The following GPER1 variants were observed in gnomAD, a reference collection of about 807,000 sequenced individuals.
The protein encoded by GPER1 is G protein-coupled receptor 30.
GPER1 carries 2 observed loss-of-function variants against 0.6 expected under a neutral mutation model. The observed-to-expected ratio is 3.41, with a 90% CI of 1.39 to 10.72. The LOEUF is 10.72. GPER1 is among the 30% of genes most tolerant of loss of function. The probability of loss-of-function intolerance (pLI) is 0.04; values close to 1 mark genes in which losing one functional copy is unlikely to be tolerated. For synonymous variants in GPER1, 263 were observed against 247.6 expected, an observed-to-expected ratio of 1.06 and a Z score of -0.58; for missense variants, 441 against 535.2, an observed-to-expected ratio of 0.82 and a Z score of 1.74.
chr7:1,089,727 T>TA (rs1787753349), intron 1 of GPER1, among the ~76,000 whole-genome samples: 1 of 142,206 alleles, frequency 7.0e-6, no homozygotes, highest in African/African-American at 2.8e-5. Context: ...TTTTTTTTTT[T>TA]AAGTAAGTAT....
In GPER1 at chr7:1,091,832, A is replaced by G; in HGVS notation, c.104A>G (p.His35Arg). Residue 35 changes from histidine to arginine, a missense_variant, in exon 2 of 2, where the codon CAC (histidine) becomes CGC (arginine). Transcript: ENST00000397088. ...NTTSPELNLS[H>R]PLLGTALANG... ...ACCTCCCCCGAGCTCAACCTGTCCCACCCGCTCCTGGGCACCGCCCTGGCC... is the reference window on the plus strand; with the variant it reads ...ACCTCCCCCGAGCTCAACCTGTCCCGCCCGCTCCTGGGCACCGCCCTGGCC... The G allele has an allele frequency of 6.2e-7, 1 of 1,604,304 alleles. No individual in the cohort carries two copies. The highest frequency in any genetic ancestry group is 1.3e-5 in the African/African-American group (1 of 74,862).
In GPER1 at chr7:1,093,423, C is replaced by T. The variant is rs1370958341; in HGVS notation, c.*567C>T. ...GAAAACATGCTGCTCTGGTGCACGC[C>T]TGAGCGTCCTCCATCTTCCAGGATG... On this transcript the variant is annotated 3_prime_UTR_variant, in exon 2 of 2. Transcript: ENST00000397088. The T allele has an allele frequency of 2.2e-6, 1 of 462,206 alleles. No individual in the cohort carries two copies. The highest frequency in any genetic ancestry group is 2.0e-5 in the African/African-American group (1 of 49,946). 28.6% of individuals were successfully genotyped at this position (462,206 alleles called of 1,614,324 possible).
In GPER1 at chr7:1,093,796, C is replaced by A; in HGVS notation, c.*940C>A. The A allele has an allele frequency of 2.4e-6, 1 of 419,884 alleles. No individual in the cohort carries two copies. The highest frequency in any genetic ancestry group is 5.0e-6 in the Non-Finnish European group (1 of 198,414). The allele number at this position is 419,884 out of a possible 1,614,324, so 26.0% of individuals were successfully genotyped here. ...GTGACGTTCAGCCTTTGTCAATAAA[C>A]CTGTCATGTGCGGATCCTTCCGGAG... On this transcript the variant is annotated 3_prime_UTR_variant, in exon 2 of 2. Transcript: ENST00000397088.
At chr7:1,089,363 C>T (rs565921008) in intron 1 of GPER1, among the ~76,000 whole-genome samples, 55 of 152,296 alleles carry the variant, frequency 3.6e-4, no homozygotes, top group Middle Eastern at 6.8e-3. Flanking sequence ...CTTCCCCACC[C>T]GCCTGTTTTT....
chr7:1,092,983 CT>C lies in GPER1; in HGVS notation c.*128del. ...GATGTGGCTTCTGGCTCCTCGGGGC[CT>C]CGCGAGGGTCACGCTTGCCTGGTCA... On this transcript the variant is annotated 3_prime_UTR_variant, in exon 2 of 2. Coordinates refer to ENST00000397088, the MANE Select transcript of GPER1 (RefSeq NM_001098201.3). The C allele has an allele frequency of 2.2e-6, 2 of 891,340 alleles. No homozygotes were observed. Among genetic ancestry groups the C allele is most frequent in the Non-Finnish European group, 3.7e-6 (2 of 544,700 alleles). The allele number at this position is 891,340 out of a possible 1,614,324, so 55.2% of individuals were successfully genotyped here. A position where few individuals can be genotyped will look rare whatever the true frequency, so the allele number is the denominator to read the frequency against.
At position 1,090,909 on chromosome 7, in the gene GPER1, C is replaced by T. The variant is rs142576604; in HGVS notation, c.-322-498C>T. On this transcript the variant is annotated intron_variant, in intron 1 of 1. Coordinates refer to ENST00000397088, the MANE Select transcript of GPER1 (RefSeq NM_001098201.3). ...GAACACAGAACTAGCATGAGGAAAC[C>T]GCTGAACTTCTGTTTTATCGTAAGA... Among the ~76,000 whole-genome samples, 476 of 152,264 alleles carry T rather than the reference C, an allele frequency of 3.1e-3. 8 individuals are homozygous for T. Among genetic ancestry groups the T allele is most frequent in the East Asian group, 0.022 (113 of 5,188 alleles).
chr7:1,091,617 T>C lies in GPER1; in HGVS notation c.-112T>C, dbSNP rs1787982558. Reference sequence around the variant, plus strand: ...CCTGGGGAGTTTCCTGTCTGACAAATGCCAGGCTCACTTCAAGGAGAATCA... The same window carrying C: ...CCTGGGGAGTTTCCTGTCTGACAAACGCCAGGCTCACTTCAAGGAGAATCA... On this transcript the variant is annotated 5_prime_UTR_variant, in exon 2 of 2. It removes an upstream start codon present in the reference 5' UTR. Transcript: ENST00000397088. 3.4e-6 allele frequency: 3 copies of C among 886,320 alleles called. No individual in the cohort carries two copies. The Admixed American group carries it at 7.3e-5, about 21-fold the overall frequency. The allele number at this position is 886,320 out of a possible 1,614,324, so 54.9% of individuals were successfully genotyped here.
chr7:1,091,885 C>T lies in GPER1; in HGVS notation c.157C>T (p.Gln53Ter). 6.2e-7 allele frequency: 1 copy of T among 1,613,964 alleles called. No homozygotes were observed. Among genetic ancestry groups the T allele is most frequent in the Non-Finnish European group, 8.5e-7 (1 of 1,179,886 alleles). Residue 53 changes from glutamine (Q) to a stop codon, truncating the protein, a stop_gained, in exon 2 of 2, where the codon CAG (glutamine) becomes TAG (stop). Transcript: ENST00000397088. LOFTEE classifies it low-confidence loss of function (END_TRUNC). ...ANGTGELSEH[Q>*]QYVIGLFLSC... Reference sequence around the variant, plus strand: ...TGGGACAGGTGAGCTCTCGGAGCACCAGCAGTACGTGATCGGCCTGTTCCT... The same window carrying T: ...TGGGACAGGTGAGCTCTCGGAGCACTAGCAGTACGTGATCGGCCTGTTCCT...
At position 1,092,310 on chromosome 7, in the gene GPER1, C is replaced by T. The variant is rs148096895; in HGVS notation, c.582C>T (p.Thr194=). 305 of 1,611,568 alleles carry T rather than the reference C, an allele frequency of 1.9e-4. 6 individuals carry two copies. Among genetic ancestry groups the T allele is most frequent in the East Asian group, 6.2e-4 (28 of 44,868 alleles). Residue 194 remains threonine, a synonymous_variant, in exon 2 of 2, where the codon ACC becomes ACT. Coordinates refer to ENST00000397088, the MANE Select transcript of GPER1 (RefSeq NM_001098201.3). The stretch of plus-strand genomic sequence containing the variant: ...TGTCAGCCACGCTGGTGCCCTTCAC[C>T]GCCGTGCACCTGCAGCACACCGACG... ...ASVSATLVPF[T]AVHLQHTDEA...
chr7:1,092,306 TCACCGCCGTGCACCTGCAG>T lies in GPER1; in HGVS notation c.582_600del (p.Ala195ProfsTer60). ...TCCGTGTCAGCCACGCTGGTGCCCT[TCACCGCCGTGCACCTGCAG>T]CACACCGACGAGGCCTGCTTCTGTT... is the stretch of plus-strand genomic sequence containing the variant. On this transcript the variant is annotated frameshift_variant, in exon 2 of 2. Transcript: ENST00000397088. LOFTEE classifies it low-confidence loss of function (END_TRUNC). 6.2e-7 allele frequency: 1 copy of T among 1,611,856 alleles called. No homozygotes were observed. The highest frequency in any genetic ancestry group is 8.5e-7 in the Non-Finnish European group (1 of 1,179,704).
At position 1,088,588 on chromosome 7, in the gene GPER1, C is replaced by T. The variant is rs1224880657; in HGVS notation, c.-323+267C>T. ...GAAAGCAGGACCCAGTATTCCGTCA[C>T]GTTCTGTCCCAGCAAGAACGTGTCT... On this transcript the variant is annotated intron_variant, in intron 1 of 1. Transcript: ENST00000397088. This position sits in a 1 kb window ranked among gnomAD's most constrained non-coding sequence, Gnocchi z 4.5. 3.9e-5 allele frequency among the ~76,000 whole-genome samples: 6 copies of T among 152,204 alleles called. No individual in the cohort carries two copies. The highest frequency in any genetic ancestry group is 2.1e-4 in the South Asian group (1 of 4,818).
At position 1,093,001 on chromosome 7, in the gene GPER1, G is replaced by C. The variant is rs951849992; in HGVS notation, c.*145G>C. On this transcript the variant is annotated 3_prime_UTR_variant, in exon 2 of 2. Coordinates refer to ENST00000397088, the MANE Select transcript of GPER1 (RefSeq NM_001098201.3). ...TCGGGGCCTCGCGAGGGTCACGCTT[G>C]CCTGGTCACCCTGGGGCTGCTTAGG... is the stretch of plus-strand genomic sequence containing the variant. 5 of 785,326 alleles carry C rather than the reference G, an allele frequency of 6.4e-6. No individual in the cohort carries two copies. The African/African-American group carries it at 8.5e-5, about 13-fold the overall frequency. 48.6% of individuals were successfully genotyped at this position (785,326 alleles called of 1,614,324 possible). A position where few individuals can be genotyped will look rare whatever the true frequency, so the allele number is the denominator to read the frequency against.
Position 1,093,011 on chromosome 7 carries a change from C to A in GPER1, c.*155C>A, listed in dbSNP as rs1471434638. The A allele has an allele frequency of 2.7e-6, 2 of 754,550 alleles. No homozygotes were observed. The highest frequency in any genetic ancestry group is 3.0e-5 in the South Asian group (2 of 67,582). The allele number at this position is 754,550 out of a possible 1,614,324, so 46.7% of individuals were successfully genotyped here. A position where few individuals can be genotyped will look rare whatever the true frequency, so the allele number is the denominator to read the frequency against. On this transcript the variant is annotated 3_prime_UTR_variant, in exon 2 of 2. Transcript: ENST00000397088. ...GCGAGGGTCACGCTTGCCTGGTCAC[C>A]CTGGGGCTGCTTAGGAAACCTCACG...
intron 1 of GPER1, among the ~76,000 whole-genome samples, chr7:1,089,639 T>A (rs1039931476): frequency 6.6e-6 from 1 of 151,718 alleles, no homozygotes; most frequent in Non-Finnish European, 1.5e-5. Flanking sequence ...CCCAGGCTGG[T>A]CTCGAACTCC....
chr7:1,088,546 CCTTT>C lies in GPER1; in HGVS notation c.-323+228_-323+231del, dbSNP rs1323430170. On this transcript the variant is annotated intron_variant, in intron 1 of 1. Coordinates refer to ENST00000397088, the MANE Select transcript of GPER1 (RefSeq NM_001098201.3). The surrounding 1 kb of genome is among the most constrained non-coding windows in gnomAD (Gnocchi z 4.5). ...CGCAGCAGGGGCTTTGCCTGGACGG[CCTTT>C]CTAACTCGTGCTGAAAGCAGGACCC... Among the ~76,000 whole-genome samples, 2 of 152,190 alleles carry C rather than the reference CCTTT, an allele frequency of 1.3e-5. No homozygotes were observed. The highest frequency in any genetic ancestry group is 2.4e-5 in the African/African-American group (1 of 41,448).
At position 1,092,882 on chromosome 7, in the gene GPER1, C is replaced by G; in HGVS notation, c.*26C>G. 1 of 1,601,636 alleles carries G rather than the reference C, an allele frequency of 6.2e-7. No individual in the cohort carries two copies. The highest frequency in any genetic ancestry group is 1.7e-4 in the Middle Eastern group (1 of 6,038). On this transcript the variant is annotated 3_prime_UTR_variant, in exon 2 of 2. Transcript: ENST00000397088. ...ACAGCCTTGGCCGCATAGGCCCAGC[C>G]AGGGTGTGACTCGGGAGCTGCACAC...
chr7:1,090,898 C>T (rs1251771863), intron 1 of GPER1, among the ~76,000 whole-genome samples: 5 of 152,218 alleles, frequency 3.3e-5, no homozygotes, highest in Non-Finnish European at 7.3e-5. Flanking sequence ...ACAGAACTAG[C>T]ATGAGGAAAC....
rs375524389 is a variant in GPER1 at position 1,092,828 on chromosome 7, C to T, written c.1100C>T (p.Ser367Leu). 1.8e-5 allele frequency: 29 copies of T among 1,612,896 alleles called. No homozygotes were observed. The African/African-American group carries it at 1.9e-4, about 10-fold the overall frequency. ...GTCATTCCAGACAGCACCGAGCAGT[C>T]GGATGTGAGGTTCAGCAGTGCCGTG... is the stretch of plus-strand genomic sequence containing the variant. Reference protein sequence around the residue: ...KAVIPDSTEQSDVRFSSAV With the variant: ...KAVIPDSTEQLDVRFSSAV The change falls in exon 2 of 2, where the codon TCG (serine) becomes TTG (leucine). Residue 367 changes from serine (S) to leucine (L), a missense_variant. Physicochemically the swap from Ser to Leu is moderately radical, Grantham distance 145 (BLOSUM62 -2). Coordinates refer to ENST00000397088, the MANE Select transcript of GPER1 (RefSeq NM_001098201.3).
At position 1,092,362 on chromosome 7, in the gene GPER1, C is replaced by T. The variant is rs754230934; in HGVS notation, c.634C>T (p.Arg212Trp). 5.0e-6 allele frequency: 8 copies of T among 1,610,968 alleles called. No individual in the cohort carries two copies. Among genetic ancestry groups the T allele is most frequent in the South Asian group, 1.1e-5 (1 of 90,808 alleles). Residue 212 changes from arginine to tryptophan, a missense_variant, in exon 2 of 2, where the codon CGG becomes TGG. Physicochemically the swap from Arg to Trp is moderately radical, Grantham distance 101. Coordinates refer to ENST00000397088, the MANE Select transcript of GPER1 (RefSeq NM_001098201.3). Reference sequence around the variant, plus strand: ...GGCCTGCTTCTGTTTCGCGGATGTCCGGGAGGTGCAGTGGCTCGAGGTCAC... The same window carrying T: ...GGCCTGCTTCTGTTTCGCGGATGTCTGGGAGGTGCAGTGGCTCGAGGTCAC... ...DEACFCFADV[R>W]EVQWLEVTLG... is the part of the protein sequence containing the mutation.
Sources: gnomAD v4.1 joint callset for allele counts (sites outside exome capture counted in the v4.1 genomes callset) on GRCh38, gnomAD v4.1.1 for gene constraint, Gnocchi (gnomAD v3.1) non-coding constraint, MANE v1.5 for transcripts, NCBI Gene and HGNC (gene_info 2026-07-23, HGNC 2026-07-21) for gene names.